Variants in PCDHGA9 observed in about 807,000 individuals in gnomAD.
PCDHGA9 encodes protocadherin gamma subfamily A, 9.
A neutral mutation model predicts 62.5 loss-of-function variants in PCDHGA9; 37 were observed. That is an observed-to-expected ratio of 0.59 (90% CI 0.46 to 0.78). The LOEUF (loss-of-function observed/expected upper bound fraction) is 0.78, where lower values mean the gene tolerates loss of function less well. Among genes scored for constraint, PCDHGA9 ranks in the 30% least tolerant of loss-of-function variants. The pLI is 0.00. For missense variants in PCDHGA9, 1,138 were observed against 1,166.2 expected, an observed-to-expected ratio of 0.98 and a Z score of 0.35; for synonymous variants, 459 against 484.6, an observed-to-expected ratio of 0.95 and a Z score of 0.69.
At position 141,433,251 on chromosome 5, in the gene PCDHGA9, C is replaced by T. The variant is rs1022165468; in HGVS notation, c.2424+27875C>T. The T allele has an allele frequency of 1.1e-5, 16 of 1,423,126 alleles. No homozygotes were observed. In the East Asian group the frequency reaches 3.7e-4, roughly 33 times the overall value. 88.2% of individuals were successfully genotyped at this position (1,423,126 alleles called of 1,614,324 possible). A position where few individuals can be genotyped will look rare whatever the true frequency, so the allele number is the denominator to read the frequency against. ...CTCTGTCTCCCAAGCTGGAATGCAGCGGTACGATCATAGCTCACTGCAGCC... is the reference window on the plus strand; with the variant it reads ...CTCTGTCTCCCAAGCTGGAATGCAGTGGTACGATCATAGCTCACTGCAGCC... On this transcript the variant is annotated intron_variant, in intron 1 of 3. Transcript: ENST00000573521.
chr5:141,405,514 A>C, intron 1 of PCDHGA9, 138 bp downstream of exon 1: 1 of 704,834 alleles, frequency 1.4e-6, no homozygotes, highest in Non-Finnish European at 2.3e-6. Context: ...CCGCCTCCCA[A>C]ATTCAAGCGA....
intron 1 of PCDHGA9, chr5:141,433,126 G>A (rs1390613447): frequency 1.9e-6 from 3 of 1,614,120 alleles, no homozygotes; most frequent in Middle Eastern, 1.7e-4. Flanking sequence ...AAAAAAGCGA[G>A]CCCCTTTTGC....
At chr5:141,464,279 C>CA (rs373828487) in intron 1 of PCDHGA9, among the ~76,000 whole-genome samples, 31,576 of 137,520 alleles carry the variant, frequency 0.23, 3,494 homozygotes, top group African/African-American at 0.28. Context: ...AAAAAAAAAG[C>CA]AAAAAAAAAA....
chr5:141,417,709 C>T lies in PCDHGA9; in HGVS notation c.2424+12333C>T, dbSNP rs533902963. 1.5e-5 allele frequency: 18 copies of T among 1,238,872 alleles called. No individual in the cohort carries two copies. The East Asian group carries it at 1.8e-4, about 12-fold the overall frequency. 76.7% of individuals were successfully genotyped at this position (1,238,872 alleles called of 1,614,324 possible). ...AAGAAAACCAGCTCCCACACAGAGG[C>T]TCCCGGCTGCGCAGACCTTGCCCAG... On this transcript the variant is annotated intron_variant, in intron 1 of 3. Coordinates refer to ENST00000573521, the MANE Select transcript of PCDHGA9 (RefSeq NM_018921.3).
intron 1 of PCDHGA9, chr5:141,420,314 A>G (rs1454977890): frequency 6.9e-7 from 1 of 1,442,692 alleles, no homozygotes; most frequent in African/African-American, 1.4e-5. Flanking sequence ...TTTATATTAC[A>G]ATATGCCAAT....
chr5:141,419,443 C>T (rs1476796525), intron 1 of PCDHGA9: 2 of 1,613,080 alleles, frequency 1.2e-6, no homozygotes, highest in South Asian at 2.2e-5. Flanking sequence ...TGCGCACCTT[C>T]GAGCTCACGC....
intron 1 of PCDHGA9, among the ~76,000 whole-genome samples, chr5:141,425,482 C>T (rs1257043728): frequency 6.6e-6 from 1 of 152,192 alleles, no homozygotes; most frequent in Non-Finnish European, 1.5e-5. Context: ...CCTATGGCAA[C>T]CTACTAGGCT....
At chr5:141,478,174 GA>G (rs1156842877) in intron 1 of PCDHGA9, 1 of 1,613,574 alleles carries the variant, frequency 6.2e-7, no homozygotes, top group East Asian at 2.2e-5. Context: ...CCCGGGAGCA[GA>G]AAAAAAATCT....
Position 141,489,147 on chromosome 5 carries a change from A to G in PCDHGA9, c.2425-5660A>G. On this transcript the variant is annotated intron_variant, in intron 1 of 3. Coordinates refer to ENST00000573521, the MANE Select transcript of PCDHGA9 (RefSeq NM_018921.3). The surrounding 1 kb of genome is among the most constrained non-coding windows in gnomAD (Gnocchi z 4.5). ...GCAGTTTTTAAGAGGCTGGAAGGAG[A>G]CATAAGAGACTTCAGCTGCTGCATT... The G allele has an allele frequency of 1.2e-6, 1 of 802,676 alleles. No homozygotes were observed. Among genetic ancestry groups the G allele is most frequent in the Non-Finnish European group, 1.9e-6 (1 of 528,868 alleles). 49.7% of individuals were successfully genotyped at this position (802,676 alleles called of 1,614,324 possible). A position where few individuals can be genotyped will look rare whatever the true frequency, so the allele number is the denominator to read the frequency against.
chr5:141,493,346 C>T lies in PCDHGA9; in HGVS notation c.2425-1461C>T, dbSNP rs766845200. Among the ~76,000 whole-genome samples, 5 of 152,172 alleles carry T rather than the reference C, an allele frequency of 3.3e-5. No individual in the cohort carries two copies. Among genetic ancestry groups the T allele is most frequent in the Non-Finnish European group, 7.3e-5 (5 of 68,028 alleles). On this transcript the variant is annotated intron_variant, in intron 1 of 3. Coordinates refer to ENST00000573521, the MANE Select transcript of PCDHGA9 (RefSeq NM_018921.3). The surrounding 1 kb of genome is among the most constrained non-coding windows in gnomAD (Gnocchi z 4.3). Reference sequence around the variant, plus strand: ...CCCCTGTCTAACTCCAGAATGTGTGCTTTTAATTTCTTGGCACTTGGAACT... The same window carrying T: ...CCCCTGTCTAACTCCAGAATGTGTGTTTTTAATTTCTTGGCACTTGGAACT...
chr5:141,419,350 G>A, intron 1 of PCDHGA9: 1 of 1,613,848 alleles, frequency 6.2e-7, no homozygotes, highest in Non-Finnish European at 8.5e-7. Context: ...GCGACCTGGA[G>A]TCACGAACGC....
chr5:141,454,493 A>G (rs1328573277), intron 1 of PCDHGA9, among the ~76,000 whole-genome samples: 1 of 151,866 alleles, frequency 6.6e-6, no homozygotes, highest in Non-Finnish European at 1.5e-5. Context: ...CGCAACCTCC[A>G]CCTCCTGGAT....
chr5:141,487,684 C>G lies in PCDHGA9; in HGVS notation c.2425-7123C>G. On this transcript the variant is annotated intron_variant, in intron 1 of 3. Coordinates refer to ENST00000573521, the MANE Select transcript of PCDHGA9 (RefSeq NM_018921.3). The surrounding 1 kb of genome is among the most constrained non-coding windows in gnomAD (Gnocchi z 5.0). ...ATCCAGGCATATGGCTAGGCCATGT[C>G]CTAGAGAGTACTGGCCTCTCAGTAA... is the stretch of plus-strand genomic sequence containing the variant. The G allele has an allele frequency of 6.2e-7, 1 of 1,607,562 alleles. No individual in the cohort carries two copies. Among genetic ancestry groups the G allele is most frequent in the East Asian group, 2.2e-5 (1 of 44,768 alleles).
intron 2 of PCDHGA9, 143 bp downstream of exon 2, chr5:141,495,008 G>A (rs2099758236): frequency 6.6e-7 from 1 of 1,521,900 alleles, no homozygotes; most frequent in Non-Finnish European, 8.8e-7. Context: ...TGGTGTGCGG[G>A]GGGCTGGCAC....
intron 1 of PCDHGA9, among the ~76,000 whole-genome samples, chr5:141,472,869 C>T (rs919331906): frequency 6.6e-6 from 1 of 151,388 alleles, no homozygotes; most frequent in Non-Finnish European, 1.5e-5. Context: ...GCCTGTATTC[C>T]CAGCTACTCG....
Position 141,477,827 on chromosome 5 carries a change from C to T in PCDHGA9, c.2425-16980C>T, listed in dbSNP as rs2099419143. On this transcript the variant is annotated intron_variant, in intron 1 of 3. Coordinates refer to ENST00000573521, the MANE Select transcript of PCDHGA9 (RefSeq NM_018921.3). The surrounding 1 kb of genome is among the most constrained non-coding windows in gnomAD (Gnocchi z 4.9). ...CAATGCCCCCCAGGTCCTATATCCT[C>T]GGCCAGGTGGGAGCTCGGTGGAGAT... The T allele has an allele frequency of 1.2e-6, 2 of 1,614,038 alleles. No individual in the cohort carries two copies. Among genetic ancestry groups the T allele is most frequent in the African/African-American group, 1.3e-5 (1 of 74,928 alleles).
intron 1 of PCDHGA9, chr5:141,409,583 G>A (rs1221824873): frequency 1.2e-6 from 2 of 1,613,920 alleles, no homozygotes; most frequent in African/African-American, 1.3e-5. Flanking sequence ...CGTGGTCCAC[G>A]TGGCCGAGAA....
intron 1 of PCDHGA9, chr5:141,440,968 T>A (rs1487107428): frequency 6.6e-6 from 1 of 152,198 alleles, no homozygotes; most frequent in African/African-American, 2.4e-5. Flanking sequence ...AGATCACATA[T>A]GGCTTCACAA....
intron 1 of PCDHGA9, among the ~76,000 whole-genome samples, chr5:141,467,695 T>C (rs1189395935): frequency 6.6e-6 from 1 of 152,142 alleles, no homozygotes; most frequent in Non-Finnish European, 1.5e-5. Flanking sequence ...AGGGTCTGGC[T>C]CTGTTGCCCA....
Sources: allele counts gnomAD v4.1 joint callset (sites outside exome capture counted in the v4.1 genomes callset), GRCh38; gene constraint gnomAD v4.1.1; non-coding constraint Gnocchi (gnomAD v3.1); transcripts MANE v1.5; gene names NCBI Gene and HGNC (gene_info 2026-07-23, HGNC 2026-07-21).